DNAJC15: variants seen among roughly 807,000 people sequenced by gnomAD.
DNAJC15 encodes the protein dnaJ homolog subfamily C member 15.
In DNAJC15, 27 loss-of-function variants were observed where a neutral mutation model predicts 22.4. That is an observed-to-expected ratio of 1.20 (90% CI 0.89 to 1.66). The LOEUF (loss-of-function observed/expected upper bound fraction) is 1.66. Ranked by LOEUF, DNAJC15 falls within the 40% of genes most tolerant of loss-of-function variation. The pLI, the probability that DNAJC15 is intolerant of heterozygous loss-of-function variation, is 0.00. For missense variants in DNAJC15, 208 were observed against 187.1 expected (o/e 1.11, Z -0.65); for synonymous variants, 79 against 63.2 (o/e 1.25, Z -1.19).
chr13:43,040,628 C>CA (rs1301457140), intron 1 of DNAJC15, among the ~76,000 whole-genome samples: 2 of 151,930 alleles, frequency 1.3e-5, no homozygotes, highest in Non-Finnish European at 1.5e-5. Flanking sequence ...GACACAGAGA[C>CA]AAAGTATAGA....
At chr13:43,038,904 A>AGCTTGATG in intron 1 of DNAJC15, among the ~76,000 whole-genome samples, 1 of 152,128 alleles carries the variant, frequency 6.6e-6, no homozygotes, top group East Asian at 1.9e-4. Flanking sequence ...GCTAGGATCT[A>AGCTTGATG]GCTTGATGTT....
rs567337892 is a variant in DNAJC15, at chr13:43,112,124, G to A, written c.*4876G>A. ...ATGAGCTGAGTAGCTATTGTTCCCAGCTGAGTGCTCTTTTCCTCTTTTTAT... is the reference window on the plus strand; with the variant it reads ...ATGAGCTGAGTAGCTATTGTTCCCAACTGAGTGCTCTTTTCCTCTTTTTAT... On this transcript the variant is annotated 3_prime_UTR_variant, in exon 6 of 6. Coordinates refer to ENST00000379221, the MANE Select transcript of DNAJC15 (RefSeq NM_013238.3). 6.6e-6 allele frequency: 1 copy of A among 152,326 alleles called. No homozygotes were observed. The highest frequency in any genetic ancestry group is 2.1e-4 in the South Asian group (1 of 4,818). 9.4% of individuals were successfully genotyped at this position (152,326 alleles called of 1,614,324 possible). A position where few individuals can be genotyped will look rare whatever the true frequency, so the allele number is the denominator to read the frequency against.
rs148610697 is a variant in DNAJC15 at position 43,063,528 on chromosome 13, C to T, written c.109-2158C>T. Among the ~76,000 whole-genome samples the T allele has an allele frequency of 4.0e-3, 610 of 152,292 alleles. 1 individual carries two copies. The highest frequency in any genetic ancestry group is 6.0e-3 in the Non-Finnish European group (409 of 68,034). On this transcript the variant is annotated intron_variant, in intron 1 of 5. Transcript: ENST00000379221. ...CTGATATTAATATTTCTATACCATT[C>T]TGTTGTTATTGTTAGTATTCTCTGG...
intron 1 of DNAJC15, among the ~76,000 whole-genome samples, chr13:43,051,647 GTGTGTGTGTGTGTGTA>G: frequency 7.6e-6 from 1 of 132,038 alleles, no homozygotes; most frequent in East Asian, 2.7e-4. Context: ...GTGTGTGTGT[GTGTGTGTGTGTGTGTA>G]TATATATCAC....
intron 5 of DNAJC15, among the ~76,000 whole-genome samples, chr13:43,093,693 G>A (rs1593329873): frequency 6.6e-6 from 1 of 152,138 alleles, no homozygotes; most frequent in Non-Finnish European, 1.5e-5. Flanking sequence ...GGGATTACAG[G>A]CATGAGCCAC....
intron 1 of DNAJC15, among the ~76,000 whole-genome samples, chr13:43,059,450 C>T (rs138098138): frequency 1.4e-3 from 213 of 152,082 alleles, no homozygotes; most frequent in Middle Eastern, 3.4e-3. Flanking sequence ...CTCGGCTCAC[C>T]GCTTCCCGGG....
At chr13:43,042,897 T>C (rs2040460321) in intron 1 of DNAJC15, among the ~76,000 whole-genome samples, 1 of 152,172 alleles carries the variant, frequency 6.6e-6, no homozygotes, top group Non-Finnish European at 1.5e-5. Flanking sequence ...GTAAGCATAG[T>C]GTAGCCAGGT....
intron 3 of DNAJC15, among the ~76,000 whole-genome samples, chr13:43,075,901 T>C (rs940891182): frequency 6.6e-6 from 1 of 152,144 alleles, no homozygotes; most frequent in African/African-American, 2.4e-5. Context: ...CCTGAGGTGA[T>C]CCGCCCGCCT....
chr13:43,062,642 A>T (rs1033606582), intron 1 of DNAJC15, among the ~76,000 whole-genome samples: 6 of 152,250 alleles, frequency 3.9e-5, no homozygotes, highest in African/African-American at 1.2e-4. Context: ...CAACTATTTC[A>T]TCTTTTGAAT....
chr13:43,094,081 A>C (rs2040728204), intron 5 of DNAJC15, among the ~76,000 whole-genome samples: 1 of 152,248 alleles, frequency 6.6e-6, no homozygotes, highest in Admixed American at 6.5e-5. Context: ...ACCAGAACTC[A>C]ACAAGTGGTA....
At chr13:43,024,893 T>TAAAAAAAGAAAAAAAAA (rs2040372681) in intron 1 of DNAJC15, among the ~76,000 whole-genome samples, 1 of 85,946 alleles carries the variant, frequency 1.2e-5, no homozygotes, top group Non-Finnish European at 2.3e-5. Flanking sequence ...CCATCTCTGC[T>TAAAAAAAGAAAAAAAAA]AAAAAAAAAA....
At chr13:43,032,958 C>T (rs1404353856) in intron 1 of DNAJC15, among the ~76,000 whole-genome samples, 1 of 152,318 alleles carries the variant, frequency 6.6e-6, no homozygotes, top group African/African-American at 2.4e-5. Flanking sequence ...GCAAAACTTA[C>T]AATCATGGCA....
chr13:43,061,762 T>G (rs571066699), intron 1 of DNAJC15, among the ~76,000 whole-genome samples: 1 of 152,356 alleles, frequency 6.6e-6, no homozygotes, highest in East Asian at 1.9e-4. Flanking sequence ...CATTAGGGAT[T>G]TGCCCCCATG....
chr13:43,055,518 C>G (rs1466920246), intron 1 of DNAJC15, among the ~76,000 whole-genome samples: 2 of 152,192 alleles, frequency 1.3e-5, no homozygotes, highest in Non-Finnish European at 2.9e-5. Flanking sequence ...ACCTCCGTCT[C>G]CTTGACTGTT....
rs952762006 is a variant in DNAJC15, at chr13:43,110,211, A to C, written c.*2963A>C. 1 of 152,166 alleles carries C rather than the reference A, an allele frequency of 6.6e-6. No individual in the cohort carries two copies. Among genetic ancestry groups the C allele is most frequent in the Non-Finnish European group, 1.5e-5 (1 of 68,032 alleles). 9.4% of individuals were successfully genotyped at this position (152,166 alleles called of 1,614,324 possible). A position where few individuals can be genotyped will look rare whatever the true frequency, so the allele number is the denominator to read the frequency against. ...CCTTTCTGCACAGGTTCCTCTTTAC[A>C]TAGGCTTCTCAACAGGGCTACTAGA... is the stretch of plus-strand genomic sequence containing the variant. On this transcript the variant is annotated 3_prime_UTR_variant, in exon 6 of 6. Transcript: ENST00000379221.
chr13:43,077,875 G>A (rs774091102), intron 3 of DNAJC15, among the ~76,000 whole-genome samples: 2 of 152,042 alleles, frequency 1.3e-5, no homozygotes, highest in African/African-American at 2.4e-5. Flanking sequence ...CTCTGCTACC[G>A]CCTTAGTTCA....
chr13:43,098,718 T>G (rs1020497795), intron 5 of DNAJC15, among the ~76,000 whole-genome samples: 5 of 152,220 alleles, frequency 3.3e-5, no homozygotes, highest in African/African-American at 1.2e-4. Flanking sequence ...CCCCTCATCT[T>G]CCTGTTCTCA....
At chr13:43,080,030 A>G (rs900573625) in intron 4 of DNAJC15, among the ~76,000 whole-genome samples, 3 of 152,190 alleles carry the variant, frequency 2.0e-5, no homozygotes, top group Admixed American at 1.3e-4. Flanking sequence ...TGCCGTGAAG[A>G]TTAAATTATA....
At chr13:43,071,381 A>G (rs1295100153) in intron 3 of DNAJC15, among the ~76,000 whole-genome samples, 3 of 152,188 alleles carry the variant, frequency 2.0e-5, no homozygotes, top group Non-Finnish European at 4.4e-5. Flanking sequence ...CAAGGTAAGA[A>G]ACTTCGCCTT....
Sources: gnomAD v4.1 joint callset for allele counts (sites outside exome capture counted in the v4.1 genomes callset) on GRCh38, gnomAD v4.1.1 for gene constraint, MANE v1.5 for transcripts, NCBI Gene and HGNC (gene_info 2026-07-23, HGNC 2026-07-21) for gene names.